The following CSMD1 variants were observed in gnomAD, a reference collection of about 807,000 sequenced individuals.
CSMD1 encodes CUB and Sushi multiple domains 1, also known as CUB and sushi domain-containing protein 1.
CSMD1 carries 213 observed loss-of-function variants against 417.5 expected under a neutral mutation model. That is an observed-to-expected ratio of 0.51 (90% CI 0.46 to 0.57). The LOEUF (loss-of-function observed/expected upper bound fraction) is 0.57, where lower values mean the gene tolerates loss of function less well. Ranked by LOEUF, CSMD1 falls within the 20% of genes least tolerant of loss-of-function variation. The pLI is 0.00. For missense variants in CSMD1, 6,923 were observed against 4,529.7 expected (o/e 1.53, Z -15.17); for synonymous variants, 2,862 against 1,736.8 (o/e 1.65, Z -16.11).
chr8:4,447,633 C>A (rs1050777585), intron 2 of CSMD1, among the ~76,000 whole-genome samples: 1 of 152,150 alleles, frequency 6.6e-6, no homozygotes, highest in Non-Finnish European at 1.5e-5. Context: ...TGTTCAAAGT[C>A]GACAGGTTTA....
chr8:3,729,046 C>A (rs1443870610), intron 6 of CSMD1, among the ~76,000 whole-genome samples: 1 of 152,198 alleles, frequency 6.6e-6, no homozygotes, highest in African/African-American at 2.4e-5. Flanking sequence ...AACTTCTAAT[C>A]CAAAGTCTGG....
intron 1 of CSMD1, among the ~76,000 whole-genome samples, chr8:4,850,667 C>T (rs796512922): frequency 1.5e-4 from 23 of 152,122 alleles, no homozygotes; most frequent in African/African-American, 5.5e-4. Context: ...TTGCTCCTTA[C>T]CCCCTTAGCT....
intron 50 of CSMD1, among the ~76,000 whole-genome samples, chr8:3,047,140 G>C (rs527307922): frequency 1.3e-5 from 2 of 151,098 alleles, no homozygotes; most frequent in Non-Finnish European, 2.9e-5. Flanking sequence ...CCCAGGAGGG[G>C]GAGGTTGCAG....
rs575930686 is a variant in CSMD1 at position 3,905,982 on chromosome 8, T to C, written c.818+91921A>G. On this transcript the variant is annotated intron_variant, in intron 5 of 69. Transcript: ENST00000635120. ...TTTGATTTTATCAAACCTGTTCTTT[T>C]ACCAGATGGTTGTTAGGCCTGGAGT... Among the ~76,000 whole-genome samples the C allele has an allele frequency of 3.9e-5, 6 of 152,328 alleles. No individual in the cohort carries two copies. In the East Asian group the frequency reaches 1.2e-3, roughly 29 times the overall value.
chr8:4,463,458 G>A (rs570826020), intron 2 of CSMD1, among the ~76,000 whole-genome samples: 1 of 152,132 alleles, frequency 6.6e-6, no homozygotes, highest in African/African-American at 2.4e-5. Context: ...AAATTTGTAT[G>A]CAAATGGTTA....
intron 3 of CSMD1, among the ~76,000 whole-genome samples, chr8:4,045,224 G>A (rs1042647240): frequency 6.6e-6 from 1 of 152,132 alleles, no homozygotes; most frequent in African/African-American, 2.4e-5. Flanking sequence ...GGCGACAGTT[G>A]TCCCATTAAT....
chr8:3,029,622 A>G, intron 50 of CSMD1, 109 bp from the exon 51 acceptor site: 1 of 856,012 alleles, frequency 1.2e-6, no homozygotes, highest in South Asian at 1.7e-5. Context: ...CTTGTTTGGC[A>G]AAGTTGATGC....
chr8:2,997,960 A>G, intron 54 of CSMD1, 51 bp downstream of exon 54: 1 of 1,542,502 alleles, frequency 6.5e-7, no homozygotes, highest in Non-Finnish European at 8.8e-7. Context: ...GTTACTGGGC[A>G]GCCTAGAACA....
chr8:3,713,203 G>A (rs1048657896), intron 6 of CSMD1, among the ~76,000 whole-genome samples: 9 of 152,104 alleles, frequency 5.9e-5, no homozygotes, highest in African/African-American at 2.2e-4. Flanking sequence ...TAATTTTGTT[G>A]TGTCATTTAC....
chr8:4,576,135 A>G (rs1344280784), intron 2 of CSMD1, among the ~76,000 whole-genome samples: 1 of 152,232 alleles, frequency 6.6e-6, no homozygotes, highest in Admixed American at 6.5e-5. Context: ...CCCTCTTAGA[A>G]TAATTGCAGA....
chr8:3,466,535 G>C (rs1481636181), intron 12 of CSMD1, among the ~76,000 whole-genome samples: 3 of 149,022 alleles, frequency 2.0e-5, no homozygotes, highest in Admixed American at 1.3e-4. Context: ...CCAGCCTCCT[G>C]TGTATCTGGG....
At chr8:4,394,994 A>G (rs1462069854) in intron 3 of CSMD1, among the ~76,000 whole-genome samples, 1 of 152,192 alleles carries the variant, frequency 6.6e-6, no homozygotes, top group Non-Finnish European at 1.5e-5. Flanking sequence ...GGGAAGAGGC[A>G]CAGCAGAGGA....
At position 3,181,097 on chromosome 8, in the gene CSMD1, G is replaced by C. The variant is rs754433152; in HGVS notation, c.5725+13C>G. The C allele has an allele frequency of 1.1e-5, 17 of 1,558,792 alleles. No homozygotes were observed. The South Asian group carries it at 1.2e-4, about 11-fold the overall frequency. On this transcript the variant is annotated intron_variant, in intron 37 of 69. Transcript: ENST00000635120. ...TAACAGTGGAAGCTGTATACAGAAA[G>C]AGTTGACCTTACTTTTGTATTCCAG...
rs146585115 is a variant in CSMD1, at chr8:2,982,505, G to A, written c.8378-3705C>T. ...TAAGTGAACGTACTGATCGCCTGAT[G>A]AAGGAAGCCTGAAAACACTGTGTTT... On this transcript the variant is annotated intron_variant, in intron 54 of 69. Coordinates refer to ENST00000635120, the MANE Select transcript of CSMD1 (RefSeq NM_033225.6). 2.1e-3 allele frequency among the ~76,000 whole-genome samples: 324 copies of A among 152,318 alleles called. 2 individuals are homozygous for A. Among genetic ancestry groups the A allele is most frequent in the Non-Finnish European group, 3.9e-3 (264 of 68,026 alleles).
intron 5 of CSMD1, among the ~76,000 whole-genome samples, chr8:3,774,752 C>T (rs1460072684): frequency 6.6e-6 from 1 of 152,150 alleles, no homozygotes. Flanking sequence ...TTTCTATTTA[C>T]TATTCTAATG....
intron 41 of CSMD1, among the ~76,000 whole-genome samples, chr8:3,126,874 A>T (rs958974639): frequency 2.0e-5 from 3 of 152,144 alleles, no homozygotes; most frequent in African/African-American, 7.2e-5. Context: ...TGCTCCCTGC[A>T]TTGCAAGAGA....
intron 21 of CSMD1, among the ~76,000 whole-genome samples, chr8:3,352,997 T>TGCTC (rs1298798746): frequency 6.6e-6 from 1 of 152,170 alleles, no homozygotes; most frequent in African/African-American, 2.4e-5. Context: ...CTAATTAACA[T>TGCTC]GCTCAAGATC....
intron 5 of CSMD1, among the ~76,000 whole-genome samples, chr8:3,973,075 T>A (rs901544141): frequency 2.0e-5 from 3 of 152,254 alleles, no homozygotes; most frequent in Non-Finnish European, 2.9e-5. Flanking sequence ...CAAATGTTTG[T>A]TTTACAGAAT....
chr8:4,393,895 T>C (rs971471401), intron 3 of CSMD1, among the ~76,000 whole-genome samples: 10 of 152,228 alleles, frequency 6.6e-5, no homozygotes, highest in Admixed American at 3.3e-4. Context: ...ATATGAAATA[T>C]ACCTTTCCAT....
Sources: gnomAD v4.1 joint callset for allele counts (sites outside exome capture counted in the v4.1 genomes callset) on GRCh38, gnomAD v4.1.1 for gene constraint, MANE v1.5 for transcripts, NCBI Gene and HGNC (gene_info 2026-07-23, HGNC 2026-07-21) for gene names.